Variants in UBE4A observed in about 807,000 individuals in gnomAD.
UBE4A encodes the protein ubiquitination factor E4A.
Under a neutral mutation model 117.9 loss-of-function variants are expected in UBE4A, and 48 were observed. The observed-to-expected ratio is 0.41, with a 90% CI of 0.32 to 0.52. The LOEUF (loss-of-function observed/expected upper bound fraction) is 0.52. UBE4A is among the 20% of genes least tolerant of loss of function. UBE4A has a pLI of 0.33. For synonymous variants in UBE4A, 407 were observed against 450.0 expected, an observed-to-expected ratio of 0.90 and a Z score of 1.21; for missense variants, 1,067 against 1,296.3, an observed-to-expected ratio of 0.82 and a Z score of 2.72.
At chr11:118,386,188 T>C (rs1420862126) in intron 15 of UBE4A, among the ~76,000 whole-genome samples, 3 of 152,244 alleles carry the variant, frequency 2.0e-5, no homozygotes, top group Non-Finnish European at 4.4e-5. Flanking sequence ...CACAATGCTA[T>C]ACTATTTCTA....
intron 1 of UBE4A, among the ~76,000 whole-genome samples, chr11:118,360,227 G>A (rs936184375): frequency 1.3e-5 from 2 of 152,182 alleles, no homozygotes; most frequent in Admixed American, 1.3e-4. Flanking sequence ...TTCTAAAATT[G>A]AGTGACCATG....
chr11:118,378,414 A>G (rs2134097292), intron 10 of UBE4A: 1 of 152,352 alleles, frequency 6.6e-6, no homozygotes, highest in South Asian at 2.1e-4. Flanking sequence ...TTTTAGAACT[A>G]GAATGTATGA....
Position 118,365,503 on chromosome 11 carries a change from G to GA in UBE4A, c.121+312dup, listed in dbSNP as rs990329788. 2.0e-4 allele frequency among the ~76,000 whole-genome samples: 30 copies of GA among 148,432 alleles called. No individual in the cohort carries two copies. In the East Asian group the frequency reaches 3.7e-3, roughly 18 times the overall value. ...AGCTGTCAGGCTGTTTTCTTTAAAAGAAAAAAAAAATCACCTAGTAAAAGC... is the reference window on the plus strand; with the variant it reads ...AGCTGTCAGGCTGTTTTCTTTAAAAGAAAAAAAAAAATCACCTAGTAAAAGC... On this transcript the variant is annotated intron_variant, in intron 2 of 19. Coordinates refer to ENST00000252108, the MANE Select transcript of UBE4A (RefSeq NM_001204077.2).
chr11:118,375,380 G>C (rs1251915316), intron 9 of UBE4A, 151 bp downstream of exon 9: 1 of 791,838 alleles, frequency 1.3e-6, no homozygotes, highest in Non-Finnish European at 1.9e-6. Flanking sequence ...TTTTTTTTGA[G>C]ATGGAGTCTT....
chr11:118,367,911 A>G (rs1394663211), intron 2 of UBE4A, among the ~76,000 whole-genome samples: 1 of 152,236 alleles, frequency 6.6e-6, no homozygotes, highest in African/African-American at 2.4e-5. Context: ...GTTGTATTGT[A>G]TTCAGTGCAG....
At chr11:118,367,518 C>CTTT (rs36110679) in intron 2 of UBE4A, among the ~76,000 whole-genome samples, 2 of 123,298 alleles carry the variant, frequency 1.6e-5, no homozygotes, top group African/African-American at 3.2e-5. Flanking sequence ...TAAATGTTAA[C>CTTT]TTTTTTTTTT....
At chr11:118,375,804 T>C (rs1303621159) in intron 9 of UBE4A, among the ~76,000 whole-genome samples, 1 of 152,098 alleles carries the variant, frequency 6.6e-6, no homozygotes, top group Non-Finnish European at 1.5e-5. Flanking sequence ...TAAAGCAGAG[T>C]CCTCATCCTT....
chr11:118,373,140 A>G lies in UBE4A; in HGVS notation c.776A>G (p.Asp259Gly), dbSNP rs756741961. 32 of 1,613,984 alleles carry G rather than the reference A, an allele frequency of 2.0e-5. No individual in the cohort carries two copies. The highest frequency in any genetic ancestry group is 2.4e-5 in the Non-Finnish European group (28 of 1,180,026). The change falls in exon 7 of 20, where the codon GAT (aspartate) becomes GGT (glycine). Residue 259 changes from aspartate (D) to glycine (G), a missense_variant. Transcript: ENST00000252108. Reference sequence around the variant, plus strand: ...GAGGTCATTGAAGCCTTGATATTGGATGAGGAAGTTAGAACATTTCCAGAA... The same window carrying G: ...GAGGTCATTGAAGCCTTGATATTGGGTGAGGAAGTTAGAACATTTCCAGAA... ...LEEVIEALILDEEVRTFPEVM... is the reference protein window; with the variant it reads ...LEEVIEALILGEEVRTFPEVM...
rs368707735 is a variant in UBE4A, at chr11:118,384,853, A to G, written c.2320A>G (p.Lys774Glu). 4 of 1,613,692 alleles carry G rather than the reference A, an allele frequency of 2.5e-6. No homozygotes were observed. Among genetic ancestry groups the G allele is most frequent in the African/African-American group, 2.7e-5 (2 of 74,788 alleles). The change falls in exon 15 of 20, where the codon AAG becomes GAG. Residue 774 changes from lysine to glutamate, a missense_variant. Lys to Glu is a moderately conservative substitution (Grantham distance 56). Transcript: ENST00000252108. ...SIKDLADYASKNLEAMNPPLF... is the reference protein window; with the variant it reads ...SIKDLADYASENLEAMNPPLF... ...ACAGGATTTGGCTGACTATGCCTCT[A>G]AGAATTTAGAAGCCATGAATCCCCC...
chr11:118,388,140 ATAATCT>A (rs1948776153), intron 16 of UBE4A, among the ~76,000 whole-genome samples: 1 of 152,202 alleles, frequency 6.6e-6, no homozygotes, highest in Admixed American at 6.5e-5. Flanking sequence ...TAATATTTAC[ATAATCT>A]TAATAACAAA....
Position 118,389,826 on chromosome 11 carries a change from A to G in UBE4A, c.2689A>G (p.Lys897Glu). The G allele has an allele frequency of 6.2e-7, 1 of 1,613,854 alleles. No homozygotes were observed. Among genetic ancestry groups the G allele is most frequent in the Non-Finnish European group, 8.5e-7 (1 of 1,179,796 alleles). The change falls in exon 17 of 20, where the codon AAA becomes GAA. Residue 897 changes from lysine (K) to glutamate (E), a missense_variant. Physicochemically the swap from Lys to Glu is moderately conservative, Grantham distance 56. Coordinates refer to ENST00000252108, the MANE Select transcript of UBE4A (RefSeq NM_001204077.2). Reference protein sequence around the residue: ...HLVGPKMGALKVKDFSEFDFK... With the variant: ...HLVGPKMGALEVKDFSEFDFK... ...GGTTGGCCCCAAGATGGGTGCCTTA[A>G]AAGTCAAGGACTTCAGCGAATTTGA...
At chr11:118,369,642 C>A in intron 4 of UBE4A, 107 bp downstream of exon 4, 10 of 641,106 alleles carry the variant, frequency 1.6e-5, no homozygotes, top group Non-Finnish European at 2.6e-5. Context: ...GTCCATCCCT[C>A]TCTCTTTTTT....
At position 118,373,641 on chromosome 11, in the gene UBE4A, T is replaced by A. The variant is rs1252028588; in HGVS notation, c.1072T>A (p.Ser358Thr). The change falls in exon 8 of 20, where the codon TCC (serine) becomes ACC (threonine). Residue 358 changes from serine (S) to threonine (T), a missense_variant. By Grantham distance (58) the Ser-to-Thr change is moderately conservative (BLOSUM62 1). Coordinates refer to ENST00000252108, the MANE Select transcript of UBE4A (RefSeq NM_001204077.2). ...TGGCTACTTTTTGAATCCATCTCGT[T>A]CCAGCCCCCAGGAGATCAAAGTACA... The part of the protein sequence containing the change: ...NHGYFLNPSR[S>T]SPQEIKVQEA... 6.2e-6 allele frequency: 10 copies of A among 1,614,170 alleles called. No homozygotes were observed. The highest frequency in any genetic ancestry group is 8.5e-6 in the Non-Finnish European group (10 of 1,180,032).
chr11:118,378,430 A>T (rs1424268827), intron 10 of UBE4A: 2 of 152,232 alleles, frequency 1.3e-5, no homozygotes, highest in East Asian at 3.8e-4. Context: ...TATGACTTCC[A>T]AAAACAGTTC....
In UBE4A at chr11:118,398,228, T is replaced by G. The variant is rs551325240; in HGVS notation, c.*1788T>G. ...ACTGGAGGAAAATGGGCACAAAAAC[T>G]CAGAAGGCAGCTATTCCCAGCAGCT... is the stretch of plus-strand genomic sequence containing the variant. On this transcript the variant is annotated 3_prime_UTR_variant, in exon 20 of 20. Coordinates refer to ENST00000252108, the MANE Select transcript of UBE4A (RefSeq NM_001204077.2). The G allele has an allele frequency of 5.9e-5, 9 of 152,628 alleles. No individual in the cohort carries two copies. Among genetic ancestry groups the G allele is most frequent in the Non-Finnish European group, 1.3e-4 (9 of 68,032 alleles). The allele number at this position is 152,628 out of a possible 1,614,324, so 9.5% of individuals were successfully genotyped here.
intron 4 of UBE4A, 74 bp from the exon 5 acceptor site, chr11:118,371,440 A>G (rs1489829590): frequency 2.5e-5 from 37 of 1,494,448 alleles, no homozygotes; most frequent in South Asian, 6.7e-5. Flanking sequence ...CTGTGTCAGA[A>G]TTACCTTTTA....
intron 19 of UBE4A, among the ~76,000 whole-genome samples, chr11:118,394,829 A>C (rs1948854484): frequency 6.6e-6 from 1 of 150,688 alleles, no homozygotes; most frequent in Non-Finnish European, 1.5e-5. Flanking sequence ...TAATTAGCCA[A>C]GTATAATGGC....
chr11:118,384,388 C>A (rs1948735389), intron 13 of UBE4A, among the ~76,000 whole-genome samples: 1 of 152,164 alleles, frequency 6.6e-6, no homozygotes, highest in Non-Finnish European at 1.5e-5. Context: ...TTTTATTTTA[C>A]AGCTTGGTAC....
intron 15 of UBE4A, 88 bp from the exon 16 acceptor site, chr11:118,386,350 G>T: frequency 1.4e-6 from 2 of 1,436,474 alleles, no homozygotes; most frequent in South Asian, 2.8e-5. Flanking sequence ...CAGCTTAGTT[G>T]ACTGGATTTT....
Sources: allele counts gnomAD v4.1 joint callset (sites outside exome capture counted in the v4.1 genomes callset), GRCh38; gene constraint gnomAD v4.1.1; transcripts MANE v1.5; gene names NCBI Gene and HGNC (gene_info 2026-07-23, HGNC 2026-07-21).